The following EYA1 variants were observed in gnomAD, a reference collection of about 807,000 sequenced individuals.
EYA1 encodes protein phosphatase EYA1.
Under a neutral mutation model 82.0 loss-of-function variants are expected in EYA1, and 16 were observed. The ratio of observed to expected loss-of-function variants is 0.20; its 90% CI spans 0.13 to 0.30. The LOEUF (loss-of-function observed/expected upper bound fraction) is 0.30. Among genes scored for constraint, EYA1 ranks in the 10% least tolerant of loss-of-function variants. EYA1 has a pLI of 1.00. For synonymous variants in EYA1, 261 were observed against 264.4 expected, an observed-to-expected ratio of 0.99 and a Z score of 0.12; for missense variants, 633 against 730.7, an observed-to-expected ratio of 0.87 and a Z score of 1.54.
chr8:71,477,897 A>G (rs997329420), intron 2 of EYA1, among the ~76,000 whole-genome samples: 1 of 152,210 alleles, frequency 6.6e-6, no homozygotes, highest in Admixed American at 6.5e-5. Context: ...TTCAGCCATA[A>G]AAAGGAGTGA....
intron 2 of EYA1, among the ~76,000 whole-genome samples, chr8:71,478,445 A>G (rs568313617): frequency 6.6e-6 from 1 of 152,308 alleles, no homozygotes; most frequent in East Asian, 1.9e-4. Flanking sequence ...GAAAGGGAGT[A>G]GTATGTTCAT....
chr8:71,380,027 C>A (rs955389047), intron 2 of EYA1, among the ~76,000 whole-genome samples: 2 of 152,182 alleles, frequency 1.3e-5, no homozygotes, highest in African/African-American at 4.8e-5. Flanking sequence ...CCGGCACCTG[C>A]CGCTGAAGGT....
intron 2 of EYA1, among the ~76,000 whole-genome samples, chr8:71,375,732 G>A (rs185383907): frequency 2.6e-4 from 39 of 152,114 alleles, no homozygotes; most frequent in African/African-American, 8.7e-4. Flanking sequence ...GGGTTCAAGC[G>A]ATTCTCCTGG....
chr8:71,540,860 T>C (rs533757043), intron 1 of EYA1, among the ~76,000 whole-genome samples: 10 of 152,256 alleles, frequency 6.6e-5, no homozygotes, highest in Admixed American at 5.9e-4. Context: ...TGACTGAACA[T>C]TGCTTTACAG....
chr8:71,299,555 T>C (rs1819968957), intron 8 of EYA1, 83 bp downstream of exon 8: 6 of 878,428 alleles, frequency 6.8e-6, no homozygotes, highest in Admixed American at 3.4e-5. Flanking sequence ...AGCTCTCACT[T>C]ATAAACAGAT....
chr8:71,536,060 G>A (rs1814685301), intron 1 of EYA1, among the ~76,000 whole-genome samples: 1 of 152,142 alleles, frequency 6.6e-6, no homozygotes, highest in South Asian at 2.1e-4. Flanking sequence ...GCTCAGTTGT[G>A]TCTGCTGTCA....
intron 2 of EYA1, among the ~76,000 whole-genome samples, chr8:71,375,103 C>T (rs1828295615): frequency 1.3e-5 from 2 of 151,912 alleles, no homozygotes; most frequent in South Asian, 2.1e-4. Flanking sequence ...TTAATTATAC[C>T]GCATTGTATA....
Position 71,269,722 on chromosome 8 carries a change from A to T in EYA1, c.1050+18T>A. On this transcript the variant is annotated intron_variant, in intron 11 of 17. Transcript: ENST00000340726. ...TTTACTCCAAAGAAATTAAAAACTG[A>T]TGCCTCTTGGTACTCACCCTCCCAT... 4 of 1,590,890 alleles carry T rather than the reference A, an allele frequency of 2.5e-6. No homozygotes were observed. The South Asian group carries it at 3.3e-5, about 13-fold the overall frequency.
intron 2 of EYA1, among the ~76,000 whole-genome samples, chr8:71,373,635 C>A (rs2129092060): frequency 6.6e-6 from 1 of 152,152 alleles, no homozygotes; most frequent in Non-Finnish European, 1.5e-5. Flanking sequence ...TAGTAAAAAA[C>A]AATTCTAAAA....
At chr8:71,206,897 A>C (rs2128820610) in intron 17 of EYA1, among the ~76,000 whole-genome samples, 1 of 151,736 alleles carries the variant, frequency 6.6e-6, no homozygotes, top group South Asian at 2.1e-4. Context: ...CTGGGACTAC[A>C]GGCACCCACC....
chr8:71,492,900 C>T (rs1811127396), intron 2 of EYA1, among the ~76,000 whole-genome samples: 1 of 152,168 alleles, frequency 6.6e-6, no homozygotes, highest in African/African-American at 2.4e-5. Context: ...GTTTCCTGAT[C>T]CTCTCCCTCC....
chr8:71,309,859 C>G (rs7011489), intron 7 of EYA1, among the ~76,000 whole-genome samples: 28,926 of 152,136 alleles, frequency 0.19, 2,830 homozygotes, highest in Admixed American at 0.24. Flanking sequence ...TCTTTCCTTA[C>G]TAGTTTGAAC....
At position 71,279,051 on chromosome 8, in the gene EYA1, G is replaced by A. The variant is rs188194899; in HGVS notation, c.827-7154C>T. ...ATTGGACTGAGGCCAGGGTAGCTAC[G>A]ATCTCTGGCAAGACCCTGAATCTGT... On this transcript the variant is annotated intron_variant, in intron 9 of 17. Transcript: ENST00000340726. Among the ~76,000 whole-genome samples the A allele has an allele frequency of 4.7e-3, 711 of 152,282 alleles. 3 individuals carry two copies. Among genetic ancestry groups the A allele is most frequent in the Middle Eastern group, 0.014 (4 of 294 alleles).
chr8:71,310,138 T>C (rs1230361921), intron 7 of EYA1, among the ~76,000 whole-genome samples: 1 of 152,210 alleles, frequency 6.6e-6, no homozygotes, highest in Non-Finnish European at 1.5e-5. Flanking sequence ...AAAGGCATTC[T>C]ATACCACCAT....
chr8:71,334,006 C>A, intron 4 of EYA1, 91 bp downstream of exon 4: 1 of 850,404 alleles, frequency 1.2e-6, no homozygotes, highest in Non-Finnish European at 2.0e-6. Flanking sequence ...TACACATATA[C>A]ATGTATACAT....
intron 12 of EYA1, among the ~76,000 whole-genome samples, chr8:71,234,064 C>T (rs1769189027): frequency 6.6e-6 from 1 of 152,142 alleles, no homozygotes; most frequent in Non-Finnish European, 1.5e-5. Context: ...TGACCAAATC[C>T]CCACTCCTGG....
At chr8:71,215,780 C>T (rs772827985) in intron 14 of EYA1, 52 bp from the exon 15 acceptor site, 82 of 1,257,550 alleles carry the variant, frequency 6.5e-5, no homozygotes, top group Middle Eastern at 3.7e-4. Context: ...CATATTTCTT[C>T]GGCTTTGCAA....
chr8:71,359,557 C>T (rs781515986), intron 1 of EYA1, among the ~76,000 whole-genome samples: 1 of 152,082 alleles, frequency 6.6e-6, no homozygotes, highest in Admixed American at 6.6e-5. Context: ...GACAGAAGAT[C>T]ATGCATGAAG....
chr8:71,332,422 C>T (rs1365070285), intron 4 of EYA1, among the ~76,000 whole-genome samples: 1 of 152,126 alleles, frequency 6.6e-6, no homozygotes, highest in Non-Finnish European at 1.5e-5. Flanking sequence ...CATTTCCTGG[C>T]TCTTAACTTC....
Sources: allele counts gnomAD v4.1 joint callset (sites outside exome capture counted in the v4.1 genomes callset), GRCh38; gene constraint gnomAD v4.1.1; transcripts MANE v1.5; gene names NCBI Gene and HGNC (gene_info 2026-07-23, HGNC 2026-07-21).